ZNF423: variants seen among roughly 807,000 people sequenced by gnomAD.
ZNF423 encodes the protein Ebf-associated zinc finger protein.
A neutral mutation model predicts 95.8 loss-of-function variants in ZNF423; 12 were observed. That is an observed-to-expected ratio of 0.13 (90% CI 0.08 to 0.20). ZNF423 has a LOEUF of 0.20. Among genes scored for constraint, ZNF423 ranks in the 10% least tolerant of loss-of-function variants. The pLI is 1.00. For synonymous variants in ZNF423, 749 were observed against 711.9 expected (o/e 1.05, Z -0.83); for missense variants, 1,316 against 1,737.1 (o/e 0.76, Z 4.31).
intron 1 of ZNF423, among the ~76,000 whole-genome samples, chr16:49,825,656 T>C (rs536975801): frequency 1.3e-5 from 2 of 152,152 alleles, no homozygotes; most frequent in African/African-American, 4.8e-5. Flanking sequence ...TTCTAAGAAG[T>C]CTAATATGAA....
chr16:49,778,711 G>A (rs1476151486), intron 2 of ZNF423, among the ~76,000 whole-genome samples: 1 of 152,226 alleles, frequency 6.6e-6, no homozygotes, highest in Non-Finnish European at 1.5e-5. Context: ...GGGGAGAAAG[G>A]CAGGAAGCTG....
At chr16:49,506,982 A>G (rs1168900814) in intron 7 of ZNF423, among the ~76,000 whole-genome samples, 1 of 152,092 alleles carries the variant, frequency 6.6e-6, no homozygotes, top group African/African-American at 2.4e-5. Context: ...GGAGTGCATG[A>G]ATAAATAACT....
intron 2 of ZNF423, among the ~76,000 whole-genome samples, chr16:49,765,474 G>A (rs1051651380): frequency 1.3e-5 from 2 of 152,114 alleles, no homozygotes; most frequent in African/African-American, 4.8e-5. Context: ...ACTTTGGGAG[G>A]CCAAGGCAGG....
chr16:49,702,145 C>T (rs543510078), intron 3 of ZNF423, among the ~76,000 whole-genome samples: 4 of 152,198 alleles, frequency 2.6e-5, no homozygotes, highest in Non-Finnish European at 5.9e-5. Context: ...GGAGTCATTA[C>T]TCCCACTGGA....
In ZNF423 at chr16:49,769,215, C is replaced by T. The variant is rs181162080; in HGVS notation, c.100+20272G>A. Among the ~76,000 whole-genome samples, 98 of 151,898 alleles carry T rather than the reference C, an allele frequency of 6.5e-4. 1 individual carries two copies. The East Asian group carries it at 0.018, about 28-fold the overall frequency. Reference sequence around the variant, plus strand: ...TACTAAAAATAAAAAATTAGCCGGGCGTGGTGGTGGGCACCTGTAATCCCA... The same window carrying T: ...TACTAAAAATAAAAAATTAGCCGGGTGTGGTGGTGGGCACCTGTAATCCCA... On this transcript the variant is annotated intron_variant, in intron 2 of 7. Coordinates refer to ENST00000563137, the MANE Select transcript of ZNF423 (RefSeq NM_001379286.1).
At chr16:49,574,004 C>G (rs1376113498) in intron 5 of ZNF423, among the ~76,000 whole-genome samples, 1 of 152,200 alleles carries the variant, frequency 6.6e-6, no homozygotes, top group Non-Finnish European at 1.5e-5. Flanking sequence ...AATCACTGCA[C>G]GGCTGAGCCC....
intron 2 of ZNF423, among the ~76,000 whole-genome samples, chr16:49,786,314 G>A (rs993689625): frequency 9.2e-5 from 14 of 152,226 alleles, no homozygotes; most frequent in Non-Finnish European, 1.5e-5. Context: ...CTGGCAGGGT[G>A]GCCAGGGGAG....
At chr16:49,841,499 G>A (rs938385582) in intron 1 of ZNF423, among the ~76,000 whole-genome samples, 3 of 152,228 alleles carry the variant, frequency 2.0e-5, no homozygotes, top group Admixed American at 1.3e-4. Flanking sequence ...AACGTGCATA[G>A]CCCAGTGCCT....
In ZNF423 at chr16:49,603,322, G is replaced by A. The variant is rs922829501; in HGVS notation, c.3601+22848C>T. Reference sequence around the variant, plus strand: ...AGAATCTTGCCTCCACACAGCACTGGCTTCAAGGACGTGTAATACATGCAG... The same window carrying A: ...AGAATCTTGCCTCCACACAGCACTGACTTCAAGGACGTGTAATACATGCAG... On this transcript the variant is annotated intron_variant, in intron 5 of 7. Coordinates refer to ENST00000563137, the MANE Select transcript of ZNF423 (RefSeq NM_001379286.1). This position sits in a 1 kb window ranked among gnomAD's most constrained non-coding sequence, Gnocchi z 4.1. Among the ~76,000 whole-genome samples the A allele has an allele frequency of 6.6e-6, 1 of 152,174 alleles. No individual in the cohort carries two copies. Among genetic ancestry groups the A allele is most frequent in the Non-Finnish European group, 1.5e-5 (1 of 68,030 alleles).
At chr16:49,649,130 C>T (rs938758398) in intron 3 of ZNF423, among the ~76,000 whole-genome samples, 2 of 152,124 alleles carry the variant, frequency 1.3e-5, no homozygotes, top group Non-Finnish European at 2.9e-5. Flanking sequence ...AATAAAACTA[C>T]TCAGATGAAA....
rs369447687 is a variant in ZNF423, at chr16:49,522,756, A to C, written c.3849+868T>G. 3.3e-4 allele frequency among the ~76,000 whole-genome samples: 50 copies of C among 152,208 alleles called. 1 individual carries two copies. The East Asian group carries it at 5.4e-3, about 16-fold the overall frequency. On this transcript the variant is annotated intron_variant, in intron 7 of 7. Transcript: ENST00000563137. The stretch of plus-strand genomic sequence containing the variant: ...GACATCTCTGGGCATATACACTGTG[A>C]TAGGAACTGTGTGCGTGCACCTTCC...
At chr16:49,796,789 G>A (rs1597017531) in intron 1 of ZNF423, among the ~76,000 whole-genome samples, 1 of 152,192 alleles carries the variant, frequency 6.6e-6, no homozygotes, top group Non-Finnish European at 1.5e-5. Flanking sequence ...CTGGAAGAAG[G>A]CTCTGGGTGT....
rs1404652731 is a variant in ZNF423, at chr16:49,637,195, G to A, written c.1981C>T (p.Leu661=). ...TTCCGCAGCAGCAGCTCCAGGTGCA[G>A]CTTCAGGTGGGTCTGGAAGCTCTCA... ...NFESFQTHLK[L]HLELLLRKQA... is the part of the protein sequence containing the mutation. Residue 661 remains leucine (L), a synonymous_variant, in exon 4 of 8, where the codon CTG becomes TTG. Coordinates refer to ENST00000563137, the MANE Select transcript of ZNF423 (RefSeq NM_001379286.1). The surrounding 1 kb of genome is among the most constrained non-coding windows in gnomAD (Gnocchi z 5.6). 3 of 1,613,870 alleles carry A rather than the reference G, an allele frequency of 1.9e-6. No homozygotes were observed. The highest frequency in any genetic ancestry group is 2.7e-5 in the African/African-American group (2 of 74,960).
At chr16:49,814,377 C>A (rs974852973) in intron 1 of ZNF423, among the ~76,000 whole-genome samples, 1 of 151,900 alleles carries the variant, frequency 6.6e-6, no homozygotes, top group Non-Finnish European at 1.5e-5. Flanking sequence ...GCAAGCAGGA[C>A]AGGGGTGGGC....
At chr16:49,784,487 A>G (rs1008442451) in intron 2 of ZNF423, among the ~76,000 whole-genome samples, 1 of 152,266 alleles carries the variant, frequency 6.6e-6, no homozygotes, top group African/African-American at 2.4e-5. Context: ...GTCCTCCCAT[A>G]CAATAGAATA....
rs1399944206 is a variant in ZNF423 at position 49,691,412 on chromosome 16, G to A, written c.301+39359C>T. Among the ~76,000 whole-genome samples the A allele has an allele frequency of 2.0e-5, 3 of 152,202 alleles. No homozygotes were observed. The East Asian group carries it at 5.8e-4, about 29-fold the overall frequency. ...CGTGAGCAAGTTACTGAACATCTCT[G>A]AGCCTCGGTTTCCTCATAGGTTAAA... On this transcript the variant is annotated intron_variant, in intron 3 of 7. Transcript: ENST00000563137.
chr16:49,745,739 CA>C (rs1451942303), intron 2 of ZNF423, among the ~76,000 whole-genome samples: 1 of 152,120 alleles, frequency 6.6e-6, no homozygotes, highest in Non-Finnish European at 1.5e-5. Flanking sequence ...CTCGTGTCAC[CA>C]AACAGAATTT....
chr16:49,627,673 C>A (rs923349448), intron 4 of ZNF423, among the ~76,000 whole-genome samples: 1 of 149,240 alleles, frequency 6.7e-6, no homozygotes, highest in Admixed American at 6.7e-5. Context: ...CACACATACC[C>A]ATATACCCAT....
At chr16:49,656,781 T>C (rs934179022) in intron 3 of ZNF423, among the ~76,000 whole-genome samples, 2 of 152,250 alleles carry the variant, frequency 1.3e-5, no homozygotes, top group African/African-American at 4.8e-5. Flanking sequence ...TTGTCTCATT[T>C]TATTTTTTGT....
Sources: gnomAD v4.1 joint callset for allele counts (sites outside exome capture counted in the v4.1 genomes callset) on GRCh38, gnomAD v4.1.1 for gene constraint, Gnocchi (gnomAD v3.1) non-coding constraint, MANE v1.5 for transcripts, NCBI Gene and HGNC (gene_info 2026-07-23, HGNC 2026-07-21) for gene names.